TBC1D31: variants seen among roughly 807,000 people sequenced by gnomAD.
TBC1D31 encodes the protein TBC1 domain family member 31, also known as WD repeat domain 67.
In TBC1D31, 99 loss-of-function variants were observed where a neutral mutation model predicts 132.9. That is an observed-to-expected ratio of 0.74 (90% CI 0.63 to 0.88). The LOEUF (loss-of-function observed/expected upper bound fraction) is 0.88. Ranked by LOEUF, TBC1D31 falls within the 40% of genes least tolerant of loss-of-function variation. TBC1D31 has a pLI of 0.00. For synonymous variants in TBC1D31, 385 were observed against 419.4 expected, an observed-to-expected ratio of 0.92 and a Z score of 1.00; for missense variants, 1,134 against 1,256.6, an observed-to-expected ratio of 0.90 and a Z score of 1.48.
intron 7 of TBC1D31, among the ~76,000 whole-genome samples, chr8:123,104,371 A>G (rs1039048591): frequency 6.6e-6 from 1 of 152,152 alleles, no homozygotes; most frequent in Non-Finnish European, 1.5e-5. Context: ...TACAGAGAAT[A>G]TATGTGTTTT....
At chr8:123,118,862 A>T (rs1819200271) in intron 10 of TBC1D31, among the ~76,000 whole-genome samples, 1 of 152,198 alleles carries the variant, frequency 6.6e-6, no homozygotes, top group African/African-American at 2.4e-5. Flanking sequence ...TCTCCTGAGT[A>T]GTAGGCGTGT....
At chr8:123,117,229 C>T (rs1819005810) in intron 10 of TBC1D31, among the ~76,000 whole-genome samples, 2 of 149,822 alleles carry the variant, frequency 1.3e-5, no homozygotes, top group African/African-American at 2.5e-5. Flanking sequence ...GCAGGAAAAT[C>T]GCTTGAACCT....
chr8:123,134,352 G>A (rs956919651), intron 17 of TBC1D31, 146 bp downstream of exon 17: 7 of 609,830 alleles, frequency 1.1e-5, no homozygotes, highest in African/African-American at 1.1e-4. Flanking sequence ...GGGCAATATA[G>A]TGAGACCCCA....
chr8:123,150,240 A>G, intron 21 of TBC1D31, 112 bp downstream of exon 21: 1 of 769,922 alleles, frequency 1.3e-6, no homozygotes, highest in South Asian at 1.7e-5. Context: ...TTCCCAGGGC[A>G]CTGATAATGG....
the TBC1D31 span, among the ~76,000 whole-genome samples, chr8:123,163,985 G>T: frequency 9.2e-3 from 1,406 of 152,218 alleles, 21 homozygotes; most frequent in African/African-American, 0.031. Flanking sequence ...TTAGTGCCTG[G>T]TAACCTCTAA....
intron 11 of TBC1D31, 140 bp downstream of exon 11, chr8:123,120,328 A>C (rs1819350276): frequency 1.5e-6 from 1 of 688,020 alleles, no homozygotes; most frequent in African/African-American, 1.8e-5. Context: ...TAAGGTATCA[A>C]ACATAAAATA....
At chr8:123,123,279 G>A (rs1385264928) in intron 11 of TBC1D31, 1 of 153,330 alleles carries the variant, frequency 6.5e-6, no homozygotes, top group Admixed American at 6.5e-5. Flanking sequence ...GAAGGGAAAA[G>A]TTGAAGACAT....
intron 4 of TBC1D31, among the ~76,000 whole-genome samples, chr8:123,092,180 A>G (rs1427360359): frequency 1.3e-5 from 2 of 151,944 alleles, no homozygotes; most frequent in Non-Finnish European, 2.9e-5. Context: ...ACACCCGGCT[A>G]ATTTTTGTAT....
intron 11 of TBC1D31, among the ~76,000 whole-genome samples, chr8:123,120,949 C>A (rs11781124): frequency 6.7e-6 from 1 of 150,036 alleles, no homozygotes; most frequent in South Asian, 2.1e-4. Context: ...TTAGATTGTT[C>A]CTAATTTTAA....
At chr8:123,126,221 C>A in intron 12 of TBC1D31, 32 bp downstream of exon 12, 2 of 1,583,124 alleles carry the variant, frequency 1.3e-6, no homozygotes, top group East Asian at 2.3e-5. Flanking sequence ...GAATAACATG[C>A]CTTATTTTGT....
intron 6 of TBC1D31, among the ~76,000 whole-genome samples, chr8:123,098,916 A>C (rs534616246): frequency 4.6e-5 from 7 of 152,168 alleles, no homozygotes; most frequent in Non-Finnish European, 1.0e-4. Flanking sequence ...CAAGCCAACC[A>C]ACAGGAGAAC....
At chr8:123,076,725 A>G (rs1814551537) in intron 1 of TBC1D31, among the ~76,000 whole-genome samples, 1 of 152,214 alleles carries the variant, frequency 6.6e-6, no homozygotes, top group South Asian at 2.1e-4. Context: ...ACAAAATCTC[A>G]TACCCTGTTG....
At chr8:123,134,059 T>TA (rs1315005463) in intron 16 of TBC1D31, 55 bp from the exon 17 acceptor site, 2 of 1,383,570 alleles carry the variant, frequency 1.4e-6, no homozygotes, top group Non-Finnish European at 2.0e-6. Flanking sequence ...CTAAATATAT[T>TA]AAAAATTATT....
chr8:123,110,990 G>A (rs1818383894), intron 10 of TBC1D31, among the ~76,000 whole-genome samples: 1 of 151,996 alleles, frequency 6.6e-6, no homozygotes, highest in Non-Finnish European at 1.5e-5. Flanking sequence ...TATGTTCTGG[G>A]TTTTGCTGAT....
intron 5 of TBC1D31, among the ~76,000 whole-genome samples, chr8:123,096,071 ATTTG>A (rs1415858860): frequency 6.6e-6 from 1 of 152,106 alleles, no homozygotes; most frequent in Non-Finnish European, 1.5e-5. Flanking sequence ...TAGCCTTCTT[ATTTG>A]TTCTCCCTGT....
At chr8:123,074,527 T>C (rs1814286355) in intron 1 of TBC1D31, among the ~76,000 whole-genome samples, 1 of 152,196 alleles carries the variant, frequency 6.6e-6, no homozygotes, top group Non-Finnish European at 1.5e-5. Flanking sequence ...CACTCCCACC[T>C]CTGGTATTCT....
the TBC1D31 span, among the ~76,000 whole-genome samples, chr8:123,157,339 T>G: frequency 1.8e-4 from 28 of 152,276 alleles, no homozygotes; most frequent in African/African-American, 6.0e-4. Flanking sequence ...ATTCTGAGGC[T>G]ATACAGCTGG....
intron 1 of TBC1D31, 61 bp downstream of exon 1, chr8:123,072,907 C>A: frequency 1.3e-6 from 2 of 1,491,554 alleles, no homozygotes; most frequent in Non-Finnish European, 9.1e-7. Context: ...GAGGAGGGGA[C>A]GCCGGGCGTC....
At chr8:123,160,992 G>A in the TBC1D31 span, among the ~76,000 whole-genome samples, 1 of 152,140 alleles carries the variant, frequency 6.6e-6, no homozygotes, top group African/African-American at 2.4e-5. Flanking sequence ...GCTGGAGTCC[G>A]GAACGAGGGT....
Sources: gnomAD v4.1 joint callset for allele counts (sites outside exome capture counted in the v4.1 genomes callset) on GRCh38, gnomAD v4.1.1 for gene constraint, MANE v1.5 for transcripts, NCBI Gene and HGNC (gene_info 2026-07-23, HGNC 2026-07-21) for gene names.